The following PDE1B variants were observed in gnomAD, a reference collection of about 807,000 sequenced individuals.
The protein encoded by PDE1B is phosphodiesterase 1B.
PDE1B carries 13 observed loss-of-function variants against 66.7 expected under a neutral mutation model. That is an observed-to-expected ratio of 0.19 (90% confidence interval 0.13 to 0.31). PDE1B has a LOEUF of 0.31. Ranked by LOEUF, PDE1B falls within the 10% of genes least tolerant of loss-of-function variation. The pLI, the probability that PDE1B is intolerant of heterozygous loss-of-function variation, is 1.00. For missense variants in PDE1B, 485 were observed against 682.3 expected, an observed-to-expected ratio of 0.71 and a Z score of 3.22; for synonymous variants, 230 against 253.9, an observed-to-expected ratio of 0.91 and a Z score of 0.90.
At chr12:54,564,155 C>G (rs778414067) in intron 2 of PDE1B, among the ~76,000 whole-genome samples, 1 of 152,128 alleles carries the variant, frequency 6.6e-6, no homozygotes, top group Non-Finnish European at 1.5e-5. Flanking sequence ...AGGTGCTGAA[C>G]TGTACCCTCC....
intron 2 of PDE1B, among the ~76,000 whole-genome samples, chr12:54,564,145 A>T (rs1291475278): frequency 6.6e-6 from 1 of 152,152 alleles, no homozygotes; most frequent in East Asian, 1.9e-4. Flanking sequence ...GAAAGGATCC[A>T]GGTGCTGAAC....
rs771132666 is a variant in PDE1B, at chr12:54,567,025, G to T, written c.165G>T (p.Glu55Asp). 4 of 1,612,782 alleles carry T rather than the reference G, an allele frequency of 2.5e-6. No homozygotes were observed. The highest frequency in any genetic ancestry group is 3.4e-6 in the Non-Finnish European group (4 of 1,179,220). The change falls in exon 3 of 16, where the codon GAG becomes GAT. Residue 55 changes from glutamate (E) to aspartate (D), a missense_variant. By Grantham distance (45) the Glu-to-Asp change is conservative. Coordinates refer to ENST00000243052, the MANE Select transcript of PDE1B (RefSeq NM_000924.4). ...AGAATGGGGAGATAAACATTGAGGAGCTGAAGAAAAATCTGGAGTACACAG... is the reference window on the plus strand; with the variant it reads ...AGAATGGGGAGATAAACATTGAGGATCTGAAGAAAAATCTGGAGTACACAG... Reference protein sequence around the residue: ...QLENGEINIEELKKNLEYTAS... With the variant: ...QLENGEINIEDLKKNLEYTAS...
chr12:54,570,714 A>C, intron 6 of PDE1B: 2 of 215,736 alleles, frequency 9.3e-6, no homozygotes, highest in Non-Finnish European at 1.9e-5. Flanking sequence ...GGGACTAGAA[A>C]CCATGTTTCC....
chr12:54,563,663 A>C (rs1183053066), intron 2 of PDE1B, among the ~76,000 whole-genome samples: 3 of 152,194 alleles, frequency 2.0e-5, no homozygotes, highest in Non-Finnish European at 4.4e-5. Context: ...ATTCCTATTC[A>C]AATTACATTT....
At chr12:54,552,438 C>T (rs1230751244) in intron 2 of PDE1B, among the ~76,000 whole-genome samples, 1 of 152,204 alleles carries the variant, frequency 6.6e-6, no homozygotes, top group African/African-American at 2.4e-5. Context: ...ATCTAACTAT[C>T]TATCTAGATT....
intron 14 of PDE1B, 78 bp from the exon 15 acceptor site, chr12:54,577,147 A>G (rs1028695365): frequency 8.4e-7 from 1 of 1,192,280 alleles, no homozygotes; most frequent in Non-Finnish European, 1.2e-6. Flanking sequence ...AATCCCTTAC[A>G]TGTCTCCACA....
At chr12:54,574,307 G>A (rs1957687153) in intron 10 of PDE1B, 1 of 155,368 alleles carries the variant, frequency 6.4e-6, no homozygotes, top group Non-Finnish European at 1.4e-5. Context: ...GTGGGATGCA[G>A]TGTCACAGCG....
chr12:54,572,838 GTTC>G, intron 7 of PDE1B, 97 bp downstream of exon 7: 3 of 1,268,224 alleles, frequency 2.4e-6, no homozygotes, highest in Non-Finnish European at 3.4e-6. Flanking sequence ...CTCCTCGTTG[GTTC>G]TTCTTGGGCA....
chr12:54,550,188 G>A, intron 2 of PDE1B: 1 of 1,408,716 alleles, frequency 7.1e-7, no homozygotes, highest in Non-Finnish European at 9.2e-7. Flanking sequence ...AGTTGGAGCG[G>A]GCTTAGGAGT....
At chr12:54,576,206 G>A in intron 13 of PDE1B, 106 bp downstream of exon 13, 2 of 760,140 alleles carry the variant, frequency 2.6e-6, no homozygotes. Context: ...GGGGTGGTGG[G>A]GAGGCAGACT....
At chr12:54,570,564 G>A in intron 6 of PDE1B, 1 of 556,628 alleles carries the variant, frequency 1.8e-6, no homozygotes, top group Non-Finnish European at 3.2e-6. Flanking sequence ...TCTAGGGGGA[G>A]ATTCTCGGTC....
chr12:54,561,977 G>T (rs1957424864), intron 2 of PDE1B, among the ~76,000 whole-genome samples: 1 of 151,744 alleles, frequency 6.6e-6, no homozygotes, highest in Non-Finnish European at 1.5e-5. Flanking sequence ...ATTTCATCTT[G>T]TCTTAAGAAC....
chr12:54,570,991 TCA>T (rs1268708676), intron 6 of PDE1B: 3 of 152,202 alleles, frequency 2.0e-5, no homozygotes, highest in African/African-American at 7.3e-5. Flanking sequence ...CATGGACAAA[TCA>T]CATTTGGAAG....
chr12:54,561,648 G>C (rs1957414610), intron 2 of PDE1B: 1 of 1,529,668 alleles, frequency 6.5e-7, no homozygotes, highest in Non-Finnish European at 8.8e-7. Flanking sequence ...GTAGGTGCCA[G>C]GGATGAGAAG....
chr12:54,551,387 A>G (rs1430914323), intron 2 of PDE1B, among the ~76,000 whole-genome samples: 2 of 152,200 alleles, frequency 1.3e-5, no homozygotes, highest in Non-Finnish European at 2.9e-5. Flanking sequence ...GCTGGGCTCT[A>G]TGAAGCACAG....
chr12:54,569,455 T>G lies in PDE1B; in HGVS notation c.410+89T>G. 6.3e-7 allele frequency: 1 copy of G among 1,580,464 alleles called. No individual in the cohort carries two copies. Among genetic ancestry groups the G allele is most frequent in the Non-Finnish European group, 8.7e-7 (1 of 1,152,564 alleles). ...TGGTCTTCCATGACCACCAGCCATATGATCCCATGGCTCATCCCCACATCC... is the reference window on the plus strand; with the variant it reads ...TGGTCTTCCATGACCACCAGCCATAGGATCCCATGGCTCATCCCCACATCC... On this transcript the variant is annotated intron_variant, in intron 4 of 15. Coordinates refer to ENST00000243052, the MANE Select transcript of PDE1B (RefSeq NM_000924.4). The surrounding 1 kb of genome is among the most constrained non-coding windows in gnomAD (Gnocchi z 4.4).
chr12:54,577,170 T>A (rs1957770456), intron 14 of PDE1B, 55 bp from the exon 15 acceptor site: 1 of 1,436,992 alleles, frequency 7.0e-7, no homozygotes, highest in African/African-American at 1.4e-5. Context: ...CTCCTTGGGT[T>A]CTGGGGAAGA....
chr12:54,561,550 AT>A, intron 2 of PDE1B: 3 of 1,499,596 alleles, frequency 2.0e-6, no homozygotes, highest in East Asian at 2.6e-5. Flanking sequence ...TGGGGTCAGG[AT>A]TTTGATACTC....
intron 6 of PDE1B, chr12:54,571,686 A>G (rs1957618786): frequency 6.6e-6 from 1 of 151,280 alleles, no homozygotes. Context: ...CCCCTCCCCT[A>G]CTCCTCCCTT....
Sources: allele counts gnomAD v4.1 joint callset (sites outside exome capture counted in the v4.1 genomes callset), GRCh38; gene constraint gnomAD v4.1.1; non-coding constraint Gnocchi (gnomAD v3.1); transcripts MANE v1.5; gene names NCBI Gene and HGNC (gene_info 2026-07-23, HGNC 2026-07-21).